The following SLC16A12 variants were observed in gnomAD, a reference collection of about 807,000 sequenced individuals.
SLC16A12 encodes the protein solute carrier family 16 member 12, also known as monocarboxylate transporter 12.
A neutral mutation model predicts 42.4 loss-of-function variants in SLC16A12; 17 were observed. The ratio of observed to expected loss-of-function variants is 0.40; its 90% CI spans 0.27 to 0.60. The LOEUF (loss-of-function observed/expected upper bound fraction) is 0.60, where lower values mean the gene tolerates loss of function less well. SLC16A12 is among the 20% of genes least tolerant of loss of function. The pLI, the probability that SLC16A12 is intolerant of heterozygous loss-of-function variation, is 0.42. For synonymous variants in SLC16A12, 224 were observed against 229.4 expected (o/e 0.98, Z 0.21); for missense variants, 544 against 623.0 (o/e 0.87, Z 1.35).
intron 2 of SLC16A12, among the ~76,000 whole-genome samples, chr10:89,551,658 A>C (rs2133891023): frequency 6.6e-6 from 1 of 152,212 alleles, no homozygotes; most frequent in Admixed American, 6.5e-5. Context: ...TTCCCCCATA[A>C]TGTTCTCATA....
At chr10:89,450,332 T>G (rs769730679) in intron 3 of SLC16A12, among the ~76,000 whole-genome samples, 2 of 152,250 alleles carry the variant, frequency 1.3e-5, no homozygotes, top group East Asian at 1.9e-4. Context: ...GTGGCACTAT[T>G]CACAATAGGA....
intron 2 of SLC16A12, among the ~76,000 whole-genome samples, chr10:89,503,592 TAAA>T (rs1209193457): frequency 6.6e-6 from 1 of 152,012 alleles, no homozygotes; most frequent in Non-Finnish European, 1.5e-5. Context: ...TGTGCCCAAA[TAAA>T]GAAGAGATGT....
At chr10:89,491,480 C>T (rs954757610) in intron 2 of SLC16A12, among the ~76,000 whole-genome samples, 1 of 151,766 alleles carries the variant, frequency 6.6e-6, no homozygotes, top group East Asian at 1.9e-4. Context: ...TTCCTAATCT[C>T]TTCTCCCACT....
chr10:89,472,080 C>T (rs980625804), intron 2 of SLC16A12, among the ~76,000 whole-genome samples: 3 of 152,038 alleles, frequency 2.0e-5, no homozygotes, highest in African/African-American at 7.2e-5. Flanking sequence ...CTTACCTATT[C>T]ATTAATTAGT....
rs1564607088 is a variant in SLC16A12 at position 89,554,044 on chromosome 10, GAAAGAAA to G, written c.-47+1831_-47+1837del. On this transcript the variant is annotated intron_variant, in intron 2 of 2. Transcript: ENST00000475682. ...AGAAAGAGAGAAAGGAAGAAAGAAA[GAAAGAAA>G]GAAAGAAAGAAAGAAAGAAAGAAAG... Among the ~76,000 whole-genome samples the G allele has an allele frequency of 1.9e-3, 96 of 50,080 alleles. 2 individuals carry two copies. Among genetic ancestry groups the G allele is most frequent in the African/African-American group, 7.5e-3 (93 of 12,390 alleles). 32.9% of individuals were successfully genotyped at this position (50,080 alleles called of 152,430 possible). A position where few individuals can be genotyped will look rare whatever the true frequency, so the allele number is the denominator to read the frequency against.
At chr10:89,462,689 C>T (rs999806903) in intron 2 of SLC16A12, 65 bp from the exon 3 acceptor site, 72 of 1,449,680 alleles carry the variant, frequency 5.0e-5, no homozygotes, top group Non-Finnish European at 6.3e-5. Context: ...TTTTTCTTCA[C>T]TTGGTAAGAC....
intron 2 of SLC16A12, among the ~76,000 whole-genome samples, chr10:89,524,141 A>G (rs1386143522): frequency 6.6e-6 from 1 of 152,208 alleles, no homozygotes; most frequent in Non-Finnish European, 1.5e-5. Context: ...CAACAGGAAT[A>G]TAAAAATAAT....
At chr10:89,530,802 C>A (rs921001173) in intron 2 of SLC16A12, among the ~76,000 whole-genome samples, 9 of 152,166 alleles carry the variant, frequency 5.9e-5, no homozygotes, top group Non-Finnish European at 8.8e-5. Context: ...CAAAAAGGAA[C>A]CTTGCATCCA....
intron 2 of SLC16A12, among the ~76,000 whole-genome samples, chr10:89,519,861 T>A (rs1403612065): frequency 6.6e-6 from 1 of 152,150 alleles, no homozygotes; most frequent in African/African-American, 2.4e-5. Flanking sequence ...ATGCCTGTAA[T>A]CCCAGCACTT....
intron 2 of SLC16A12, among the ~76,000 whole-genome samples, chr10:89,499,512 C>A (rs1842966634): frequency 6.6e-6 from 1 of 152,124 alleles, no homozygotes; most frequent in Non-Finnish European, 1.5e-5. Flanking sequence ...CCAGATCCTG[C>A]AAATACAAGG....
chr10:89,516,723 A>T (rs60233299), intron 2 of SLC16A12, among the ~76,000 whole-genome samples: 1 of 152,318 alleles, frequency 6.6e-6, no homozygotes, highest in Admixed American at 6.5e-5. Context: ...GATTGTAAGC[A>T]TTCAATAGCT....
At chr10:89,539,152 A>G (rs191077540), upstream of SLC16A12, among the ~76,000 whole-genome samples, 18 of 152,292 alleles carry the variant, frequency 1.2e-4, no homozygotes, top group Admixed American at 3.3e-4. Flanking sequence ...ATCTGTCTCA[A>G]TGGTCCTGAA....
At chr10:89,551,534 C>T (rs988849469) in intron 2 of SLC16A12, among the ~76,000 whole-genome samples, 1 of 152,196 alleles carries the variant, frequency 6.6e-6, no homozygotes, top group Non-Finnish European at 1.5e-5. Flanking sequence ...TTCCATAAAG[C>T]TGATATAGTT....
At chr10:89,471,839 T>C (rs1842499809) in intron 2 of SLC16A12, among the ~76,000 whole-genome samples, 1 of 152,220 alleles carries the variant, frequency 6.6e-6, no homozygotes, top group Non-Finnish European at 1.5e-5. Context: ...TCAAATGGTA[T>C]CTCATTGTAG....
In SLC16A12 at chr10:89,555,698, CATAT is replaced by C. The variant is rs57404736; in HGVS notation, c.-47+180_-47+183del. Among the ~76,000 whole-genome samples, 384 of 124,642 alleles carry C rather than the reference CATAT, an allele frequency of 3.1e-3. 5 individuals are homozygous for C. Among genetic ancestry groups the C allele is most frequent in the African/African-American group, 7.9e-3 (266 of 33,778 alleles). 81.8% of individuals were successfully genotyped at this position (124,642 alleles called of 152,430 possible). On this transcript the variant is annotated intron_variant, in intron 2 of 2. Transcript: ENST00000475682. ...ATATACGTATATACACACATATATACATATATATATATATATATATATTCCATGC... is the reference window on the plus strand; with the variant it reads ...ATATACGTATATACACACATATATACATATATATATATATATATTCCATGC...
At chr10:89,466,449 G>A (rs1009690081) in intron 2 of SLC16A12, among the ~76,000 whole-genome samples, 8 of 152,068 alleles carry the variant, frequency 5.3e-5, no homozygotes, top group African/African-American at 1.7e-4. Flanking sequence ...TTTCTTGTTT[G>A]TACAAAAAAT....
At chr10:89,526,303 C>T (rs1208239842) in intron 2 of SLC16A12, among the ~76,000 whole-genome samples, 1 of 152,182 alleles carries the variant, frequency 6.6e-6, no homozygotes, top group Non-Finnish European at 1.5e-5. Context: ...TAGCTATTCC[C>T]CAGAATTTGA....
chr10:89,554,753 T>C (rs11185751), intron 2 of SLC16A12, among the ~76,000 whole-genome samples: 272 of 152,312 alleles, frequency 1.8e-3, no homozygotes, highest in African/African-American at 6.3e-3. Flanking sequence ...AACCTTTACA[T>C]TGGATACCTG....
intron 2 of SLC16A12, among the ~76,000 whole-genome samples, chr10:89,482,633 A>T (rs371414426): frequency 6.6e-6 from 1 of 152,138 alleles, no homozygotes; most frequent in East Asian, 1.9e-4. Flanking sequence ...ATACAAAAAA[A>T]AATTCCCAGG....
Sources: allele counts gnomAD v4.1 joint callset (sites outside exome capture counted in the v4.1 genomes callset), GRCh38; gene constraint gnomAD v4.1.1; transcripts MANE v1.5; gene names NCBI Gene and HGNC (gene_info 2026-07-23, HGNC 2026-07-21).